Variants in ITGAX observed in about 807,000 individuals in gnomAD.
ITGAX encodes the protein integrin subunit alpha X.
A neutral mutation model predicts 140.2 loss-of-function variants in ITGAX; 99 were observed. That is an observed-to-expected ratio of 0.71 (90% confidence interval 0.60 to 0.83). The LOEUF is 0.83. Among genes scored for constraint, ITGAX ranks in the 40% least tolerant of loss-of-function variants. ITGAX has a pLI of 0.00. For missense variants in ITGAX, 1,444 were observed against 1,482.0 expected (o/e 0.97, Z 0.42); for synonymous variants, 631 against 600.4 (o/e 1.05, Z -0.75).
chr16:31,375,541 C>A (rs8052139), intron 20 of ITGAX, among the ~76,000 whole-genome samples: 42,928 of 152,188 alleles, frequency 0.28, 7,310 homozygotes, highest in East Asian at 0.57. Context: ...TAGTTCTGAA[C>A]AATGAGGACC....
chr16:31,355,401 T>A, intron 1 of ITGAX, 110 bp downstream of exon 1: 4 of 1,200,218 alleles, frequency 3.3e-6, no homozygotes, highest in Non-Finnish European at 4.8e-6. Context: ...GAAGAGAGAC[T>A]CAGTCAAGCC....
intron 14 of ITGAX, among the ~76,000 whole-genome samples, chr16:31,365,768 CA>C (rs1391148007): frequency 1.1e-4 from 17 of 152,148 alleles, no homozygotes; most frequent in Non-Finnish European, 1.5e-4. Flanking sequence ...ACCCAAAATA[CA>C]AAAATTAGTT....
chr16:31,371,470 A>G lies in ITGAX; in HGVS notation c.1978A>G (p.Lys660Glu), dbSNP rs866705281. The G allele has an allele frequency of 1.2e-6, 2 of 1,614,102 alleles. No homozygotes were observed. The highest frequency in any genetic ancestry group is 1.3e-5 in the African/African-American group (1 of 75,050). Residue 660 changes from lysine (K) to glutamate (E), a missense_variant, in exon 16 of 30, where the codon AAA becomes GAA. Physicochemically the swap from Lys to Glu is moderately conservative, Grantham distance 56. Coordinates refer to ENST00000268296, the MANE Select transcript of ITGAX (RefSeq NM_000887.5). ...VQSNICLYID[K>E]RSKNLLGSRD... ...GTCCAACATCTGCCTTTACATTGAC[A>G]AACGTTCTAAGAACCTGCTTGGGAG...
At chr16:31,373,652 A>G (rs2080994307) in intron 20 of ITGAX, among the ~76,000 whole-genome samples, 1 of 152,254 alleles carries the variant, frequency 6.6e-6, no homozygotes, top group African/African-American at 2.4e-5. Flanking sequence ...CCTCTTTTAA[A>G]TGAAAACATA....
Position 31,380,598 on chromosome 16 carries a change from G to T in ITGAX, c.3250G>T (p.Gly1084Ter), listed in dbSNP as rs2081060267. 2 of 1,614,160 alleles carry T rather than the reference G, an allele frequency of 1.2e-6. No individual in the cohort carries two copies. Among genetic ancestry groups the T allele is most frequent in the Non-Finnish European group, 1.7e-6 (2 of 1,180,060 alleles). Residue 1084 changes from glycine to a stop codon, truncating the protein, a stop_gained, in exon 28 of 30, where the codon GGA becomes TGA. Coordinates refer to ENST00000268296, the MANE Select transcript of ITGAX (RefSeq NM_000887.5). LOFTEE classifies it high-confidence loss of function. ...FDTSVYSQLPGQEAFMRAQTT... is the reference protein window; with the variant it reads ...FDTSVYSQLP Reference sequence around the variant, plus strand: ...CACATCCGTGTACTCCCAGCTTCCAGGACAGGAGGCATTTATGAGAGCTCA... The same window carrying T: ...CACATCCGTGTACTCCCAGCTTCCATGACAGGAGGCATTTATGAGAGCTCA...
At chr16:31,364,966 C>G (rs149332844) in intron 14 of ITGAX, among the ~76,000 whole-genome samples, 1,898 of 152,116 alleles carry the variant, frequency 0.012, 47 homozygotes, top group African/African-American at 0.044. Context: ...TTGTGGTGAG[C>G]CGAGATCGCG....
At chr16:31,380,163 C>T in intron 26 of ITGAX, 98 bp downstream of exon 26, 1 of 1,528,034 alleles carries the variant, frequency 6.5e-7, no homozygotes, top group Non-Finnish European at 9.0e-7. Flanking sequence ...GAAGTACCCT[C>T]TTGCATTCGG....
rs371222071 is a variant in ITGAX, at chr16:31,380,014, C to G, written c.3009C>G (p.Ile1003Met). 6.2e-7 allele frequency: 1 copy of G among 1,614,152 alleles called. No homozygotes were observed. Among genetic ancestry groups the G allele is most frequent in the Non-Finnish European group, 8.5e-7 (1 of 1,180,002 alleles). The change falls in exon 26 of 30, where the codon ATC becomes ATG. Residue 1003 changes from isoleucine (I) to methionine (M), a missense_variant. Coordinates refer to ENST00000268296, the MANE Select transcript of ITGAX (RefSeq NM_000887.5). ...NPSLRCSSEK[I>M]APPASDFLAH... ...CCCTTCGGTGCTCCTCAGAGAAAAT[C>G]GCACCCCCAGCATCTGACTTCCTGG...
chr16:31,370,700 A>T (rs1373386529), intron 14 of ITGAX, among the ~76,000 whole-genome samples: 1 of 152,124 alleles, frequency 6.6e-6, no homozygotes, highest in African/African-American at 2.4e-5. Context: ...GAACCGTAGG[A>T]ATTCCTCTCC....
rs201319362 is a variant in ITGAX, at chr16:31,363,336, G to A, written c.1672G>A (p.Gly558Arg). The A allele has an allele frequency of 1.1e-5, 17 of 1,614,018 alleles. No individual in the cohort carries two copies. The Admixed American group carries it at 1.7e-4, about 16-fold the overall frequency. ...ENRGAVYLFH[G>R]VLGPSISPSH... ...CCGGGGTGCTGTCTACCTGTTTCAC[G>A]GAGTCTTGGGACCCAGCATCAGCCC... The change falls in exon 14 of 30, where the codon GGA (glycine) becomes AGA (arginine). Residue 558 changes from glycine to arginine, a missense_variant. By Grantham distance (125) the Gly-to-Arg change is moderately radical. Transcript: ENST00000268296.
Position 31,379,989 on chromosome 16 carries a change from C to G in ITGAX, c.2984C>G (p.Ser995Cys). The change falls in exon 26 of 30, where the codon TCC becomes TGC. Residue 995 changes from serine (S) to cysteine (C), a missense_variant. Ser to Cys is a moderately radical substitution (Grantham distance 112, BLOSUM62 -1). Transcript: ENST00000268296. ...CTCTGCATTTTCCCCCAGAACCCAT[C>G]CCTTCGGTGCTCCTCAGAGAAAATC... ...DVEVSHPQNPSLRCSSEKIAP... is the reference protein window; with the variant it reads ...DVEVSHPQNPCLRCSSEKIAP... The G allele has an allele frequency of 6.2e-7, 1 of 1,614,128 alleles. No individual in the cohort carries two copies. The highest frequency in any genetic ancestry group is 8.5e-7 in the Non-Finnish European group (1 of 1,179,944).
At chr16:31,370,682 T>C (rs1190169452) in intron 14 of ITGAX, among the ~76,000 whole-genome samples, 1 of 152,206 alleles carries the variant, frequency 6.6e-6, no homozygotes, top group Non-Finnish European at 1.5e-5. Flanking sequence ...TCCTGGGTGC[T>C]GTTCTAAGAA....
chr16:31,380,080 G>A lies in ITGAX; in HGVS notation c.3060+15G>A. 1.9e-6 allele frequency: 3 copies of A among 1,611,038 alleles called. No individual in the cohort carries two copies. Among genetic ancestry groups the A allele is most frequent in the Non-Finnish European group, 2.5e-6 (3 of 1,177,288 alleles). ...ATCCCGTGCTGGTGAGGAGGGCTCT[G>A]GGCTGGCCCTCACTGTAGGCCCCAC... On this transcript the variant is annotated intron_variant, in intron 26 of 29. Transcript: ENST00000268296.
At position 31,359,693 on chromosome 16, in the gene ITGAX, T is replaced by C. The variant is rs766453540; in HGVS notation, c.431-7T>C. On this transcript the variant is annotated splice_polypyrimidine_tract_variant and splice_region_variant and intron_variant, in intron 5 of 29. Coordinates refer to ENST00000268296, the MANE Select transcript of ITGAX (RefSeq NM_000887.5). Reference sequence around the variant, plus strand: ...ACTTGGAGGACCGGTGCCACCTCCTTCCCCAGAGTGCCCAAGACAGGAGCA... The same window carrying C: ...ACTTGGAGGACCGGTGCCACCTCCTCCCCCAGAGTGCCCAAGACAGGAGCA... 7.4e-6 allele frequency: 12 copies of C among 1,613,746 alleles called. No homozygotes were observed. Among genetic ancestry groups the C allele is most frequent in the Non-Finnish European group, 1.0e-5 (12 of 1,179,822 alleles).
At chr16:31,364,056 C>T (rs1014299920) in intron 14 of ITGAX, among the ~76,000 whole-genome samples, 3 of 152,184 alleles carry the variant, frequency 2.0e-5, no homozygotes, top group Non-Finnish European at 2.9e-5. Context: ...CCGCCCTCCA[C>T]CCCAAGGGAG....
rs2080977284 is a variant in ITGAX at position 31,372,432 on chromosome 16, G to A, written c.2215G>A (p.Val739Met). ...TACCTTGCGTCTGAACTTCACGCTG[G>A]TGGGCAAGCCCCTCCTTGCCTTCAG... ...PITLRLNFTL[V>M]GKPLLAFRNL... The change falls in exon 18 of 30, where the codon GTG (valine) becomes ATG (methionine). Residue 739 changes from valine (V) to methionine (M), a missense_variant. Transcript: ENST00000268296. The A allele has an allele frequency of 2.5e-6, 4 of 1,609,778 alleles. No homozygotes were observed. The highest frequency in any genetic ancestry group is 3.4e-6 in the Non-Finnish European group (4 of 1,178,890).
intron 20 of ITGAX, 84 bp from the exon 21 acceptor site, chr16:31,376,710 CTGTTA>C (rs1424434057): frequency 8.5e-7 from 1 of 1,170,202 alleles, no homozygotes; most frequent in Non-Finnish European, 1.3e-6. Flanking sequence ...CTTTGGAATG[CTGTTA>C]TATTAGGTTG....
At chr16:31,381,568 G>T (rs1420592159) in intron 29 of ITGAX, among the ~76,000 whole-genome samples, 1 of 152,126 alleles carries the variant, frequency 6.6e-6, no homozygotes, top group African/African-American at 2.4e-5. Context: ...GGTGGAGGTT[G>T]CAGTGAGCCG....
In ITGAX at chr16:31,377,034, A is replaced by G. The variant is rs201039279; in HGVS notation, c.2660A>G (p.Lys887Arg). ...TTGGCTACCTTTGACGTCTCCCCCA[A>G]GGCTGTCCTGGGAGACCGGCTGCTT... ...TFLATFDVSP[K>R]AVLGDRLLLT... Residue 887 changes from lysine to arginine, a missense_variant, in exon 22 of 30, where the codon AAG becomes AGG. By Grantham distance (26) the Lys-to-Arg change is conservative. Transcript: ENST00000268296. 400 of 1,614,142 alleles carry G rather than the reference A, an allele frequency of 2.5e-4. 7 individuals carry two copies. In the Admixed American group the frequency reaches 6.5e-3, roughly 26 times the overall value.
Sources: allele counts gnomAD v4.1 joint callset (sites outside exome capture counted in the v4.1 genomes callset), GRCh38; gene constraint gnomAD v4.1.1; transcripts MANE v1.5; gene names NCBI Gene and HGNC (gene_info 2026-07-23, HGNC 2026-07-21).